The following CRLS1 variants were observed in gnomAD, a reference collection of about 807,000 sequenced individuals.
CRLS1 encodes cardiolipin synthase (CMP-forming).
A neutral mutation model predicts 37.0 loss-of-function variants in CRLS1; 24 were observed. The observed-to-expected ratio is 0.65, with a 90% CI of 0.47 to 0.91. CRLS1 has a LOEUF of 0.91. CRLS1 is among the 40% of genes least tolerant of loss of function. The pLI is 0.00. For missense variants in CRLS1, 373 were observed against 395.8 expected (o/e 0.94, Z 0.49); for synonymous variants, 135 against 159.7 (o/e 0.85, Z 1.17).
At chr20:6,019,422 GCAGTGGGCC>G (rs1346276977) in intron 3 of CRLS1, among the ~76,000 whole-genome samples, 1 of 151,712 alleles carries the variant, frequency 6.6e-6, no homozygotes, top group Admixed American at 6.6e-5. Flanking sequence ...TACCCTATAG[GCAGTGGGCC>G]CAGAATAGCT....
intron 2 of CRLS1, among the ~76,000 whole-genome samples, chr20:6,014,221 G>T (rs1978563918): frequency 6.6e-6 from 1 of 152,154 alleles, no homozygotes; most frequent in South Asian, 2.1e-4. Flanking sequence ...TACAGATGAG[G>T]AAACTAAGGC....
intron 3 of CRLS1, among the ~76,000 whole-genome samples, chr20:6,025,567 T>G (rs939080252): frequency 2.6e-5 from 4 of 152,232 alleles, no homozygotes; most frequent in African/African-American, 9.6e-5. Flanking sequence ...CTTTCAAGTC[T>G]TACTATTTAA....
chr20:6,035,223 T>C (rs916051634), intron 6 of CRLS1, among the ~76,000 whole-genome samples: 9 of 152,200 alleles, frequency 5.9e-5, no homozygotes, highest in Non-Finnish European at 1.0e-4. Context: ...TGACAACTAC[T>C]CTAAACTTTT....
chr20:6,020,430 T>G (rs1405269369), intron 3 of CRLS1, among the ~76,000 whole-genome samples: 1 of 152,212 alleles, frequency 6.6e-6, no homozygotes, highest in Non-Finnish European at 1.5e-5. Flanking sequence ...TTTTTTTAGT[T>G]ACCTTTTTGT....
intron 5 of CRLS1, among the ~76,000 whole-genome samples, chr20:6,034,046 G>A (rs1980375269): frequency 6.6e-6 from 1 of 152,308 alleles, no homozygotes; most frequent in South Asian, 2.1e-4. Context: ...TCCAGCTTTG[G>A]TTCTGTTGTC....
At chr20:6,009,177 G>T (rs1317110770) in intron 1 of CRLS1, among the ~76,000 whole-genome samples, 1 of 152,094 alleles carries the variant, frequency 6.6e-6, no homozygotes. Flanking sequence ...ACAAAAATTA[G>T]CTGGGCATGG....
chr20:6,032,072 A>T lies in CRLS1; in HGVS notation c.721A>T (p.Ile241Phe), dbSNP rs1268029010. 3.7e-6 allele frequency: 6 copies of T among 1,610,512 alleles called. No homozygotes were observed. The highest frequency in any genetic ancestry group is 5.1e-6 in the Non-Finnish European group (6 of 1,177,006). Residue 241 changes from isoleucine (I) to phenylalanine (F), a missense_variant, in exon 5 of 7, where the codon ATC becomes TTC. Coordinates refer to ENST00000378863, the MANE Select transcript of CRLS1 (RefSeq NM_019095.6). ...CACTGCTAGGTTAAAACCAACATTCATCAGCAAGGTAAGAGAATGCAATGT... is the reference window on the plus strand; with the variant it reads ...CACTGCTAGGTTAAAACCAACATTCTTCAGCAAGGTAAGAGAATGCAATGT... ...YATARLKPTF[I>F]SKVNTAVQLI...
rs1308588260 is a variant in CRLS1 at position 6,039,623 on chromosome 20, G to A, written c.*2465G>A. The A allele has an allele frequency of 1.3e-5, 2 of 151,928 alleles. No homozygotes were observed. Among genetic ancestry groups the A allele is most frequent in the South Asian group, 2.1e-4 (1 of 4,816 alleles). 9.4% of individuals were successfully genotyped at this position (151,928 alleles called of 1,614,324 possible). A position where few individuals can be genotyped will look rare whatever the true frequency, so the allele number is the denominator to read the frequency against. On this transcript the variant is annotated 3_prime_UTR_variant, in exon 7 of 7. Transcript: ENST00000378863. ...CATCTCCCAAGAAAGATACGTTCACGTTCAAACCCCCAGTACTGTACATGT... is the reference window on the plus strand; with the variant it reads ...CATCTCCCAAGAAAGATACGTTCACATTCAAACCCCCAGTACTGTACATGT...
chr20:6,016,689 G>A (rs990379576), intron 3 of CRLS1, among the ~76,000 whole-genome samples: 1 of 152,194 alleles, frequency 6.6e-6, no homozygotes, highest in Non-Finnish European at 1.5e-5. Flanking sequence ...TTGGAATTAT[G>A]GGTAATGTTG....
intron 4 of CRLS1, among the ~76,000 whole-genome samples, 160 bp downstream of exon 4, chr20:6,031,530 T>A (rs527640184): frequency 3.8e-4 from 58 of 152,364 alleles, no homozygotes; most frequent in Non-Finnish European, 5.3e-4. Context: ...AGGTGTTTCA[T>A]ATAGGTCCAG....
chr20:6,025,673 C>T (rs1979622086), intron 3 of CRLS1, among the ~76,000 whole-genome samples: 1 of 152,180 alleles, frequency 6.6e-6, no homozygotes, highest in Non-Finnish European at 1.5e-5. Context: ...AAAGGATTCA[C>T]CATTCTAGAT....
intron 2 of CRLS1, 22 bp from the exon 3 acceptor site, chr20:6,015,339 A>T (rs181766120): frequency 4.3e-5 from 64 of 1,486,626 alleles, no homozygotes; most frequent in African/African-American, 7.0e-5. Context: ...TTATATATAT[A>T]AAAAAAAACT....
intron 6 of CRLS1, among the ~76,000 whole-genome samples, chr20:6,036,319 T>C (rs1980546575): frequency 6.6e-6 from 1 of 152,194 alleles, no homozygotes; most frequent in Admixed American, 6.5e-5. Context: ...CAAAGTGGCA[T>C]GAACAGGTTC....
chr20:6,010,040 C>A, intron 2 of CRLS1, 128 bp downstream of exon 2: 1 of 829,778 alleles, frequency 1.2e-6, no homozygotes, highest in Non-Finnish European at 1.7e-6. Context: ...TGACGTGGTA[C>A]TTTTTGTGAG....
chr20:6,039,758 A>AAC lies in CRLS1; in HGVS notation c.*2600_*2601insAC, dbSNP rs35105164. ...GTTTTTTTGTTAAAAAAAAAAAAAA[A>AAC]GGAAATGTGAACAGAGAGAGAATGC... is the stretch of plus-strand genomic sequence containing the variant. On this transcript the variant is annotated 3_prime_UTR_variant, in exon 7 of 7. Transcript: ENST00000378863. 11 of 143,036 alleles carry AAC rather than the reference A, an allele frequency of 7.7e-5. No individual in the cohort carries two copies. Among genetic ancestry groups the AAC allele is most frequent in the African/African-American group, 2.8e-4 (11 of 39,516 alleles). The allele number at this position is 143,036 out of a possible 1,614,324, so 8.9% of individuals were successfully genotyped here.
intron 3 of CRLS1, among the ~76,000 whole-genome samples, chr20:6,020,743 C>T (rs1979195059): frequency 6.6e-6 from 1 of 151,826 alleles, no homozygotes; most frequent in African/African-American, 2.4e-5. Context: ...CTACCTCAGC[C>T]TCCCGAGTAG....
chr20:6,012,172 A>T (rs574979392), intron 2 of CRLS1, among the ~76,000 whole-genome samples: 4 of 152,250 alleles, frequency 2.6e-5, no homozygotes, highest in African/African-American at 9.6e-5. Context: ...CATTTGTTCC[A>T]TGGAGATTTT....
chr20:6,017,869 A>G (rs928759161), intron 3 of CRLS1, among the ~76,000 whole-genome samples: 3 of 152,192 alleles, frequency 2.0e-5, no homozygotes, highest in African/African-American at 7.2e-5. Context: ...CTTTTGTTAG[A>G]CTTATTCCTA....
At chr20:6,033,863 T>C (rs1980364767) in intron 5 of CRLS1, among the ~76,000 whole-genome samples, 1 of 151,900 alleles carries the variant, frequency 6.6e-6, no homozygotes, top group African/African-American at 2.4e-5. Flanking sequence ...ACTAGCTGGT[T>C]TCAAACTCCT....
Sources: allele counts gnomAD v4.1 joint callset (sites outside exome capture counted in the v4.1 genomes callset), GRCh38; gene constraint gnomAD v4.1.1; transcripts MANE v1.5; gene names NCBI Gene and HGNC (gene_info 2026-07-23, HGNC 2026-07-21).